MID1: variants seen among roughly 807,000 people sequenced by gnomAD.
MID1 encodes midline 1, also known as E3 ubiquitin-protein ligase Midline-1.
MID1 carries 7 observed loss-of-function variants against 40.4 expected under a neutral mutation model. The ratio of observed to expected loss-of-function variants is 0.17; its 90% CI spans 0.10 to 0.33. The LOEUF (loss-of-function observed/expected upper bound fraction) is 0.33. Ranked by LOEUF, MID1 falls within the 10% of genes least tolerant of loss-of-function variation. The pLI is 1.00. For missense variants in MID1, 367 were observed against 558.5 expected (o/e 0.66, Z 3.46); for synonymous variants, 229 against 221.2 (o/e 1.04, Z -0.31).
intron 1 of MID1, among the ~76,000 whole-genome samples, chrX:10,725,162 AC>A (rs1452754531): frequency 8.9e-6 from 1 of 112,061 alleles, no homozygotes; most frequent in African/African-American, 3.2e-5. Flanking sequence ...TCACTGTGAC[AC>A]TAAGAGTAGC....
chrX:10,817,528 C>CTTTCTTTCT (rs1257692877), intron 1 of MID1, among the ~76,000 whole-genome samples: 4 of 91,860 alleles, frequency 4.4e-5, no homozygotes, highest in Non-Finnish European at 8.8e-5. Flanking sequence ...TTCTTTCTTT[C>CTTTCTTTCT]TTTCTTTCTT....
chrX:10,504,168 T>C (rs1447305716), intron 3 of MID1, among the ~76,000 whole-genome samples: 1 of 111,745 alleles, frequency 8.9e-6, no homozygotes, highest in Non-Finnish European at 1.9e-5. Context: ...TTTTATTGCT[T>C]ACTAGTTGTA....
At chrX:10,812,630 A>T (rs1341257101) in intron 1 of MID1, among the ~76,000 whole-genome samples, 1 of 111,409 alleles carries the variant, frequency 9.0e-6, no homozygotes, top group Admixed American at 9.6e-5. Flanking sequence ...CTTCACCAGC[A>T]TGCGAGTCAT....
intron 1 of MID1, among the ~76,000 whole-genome samples, chrX:10,735,275 T>C (rs1188297098): frequency 9.0e-6 from 1 of 111,509 alleles, no homozygotes; most frequent in Non-Finnish European, 1.9e-5. Context: ...GCTAATTTTG[T>C]ATTTTTAGTA....
At chrX:10,811,097 A>G (rs1240673583) in intron 1 of MID1, among the ~76,000 whole-genome samples, 1 of 111,243 alleles carries the variant, frequency 9.0e-6, no homozygotes, top group Non-Finnish European at 1.9e-5. Context: ...GAGATTTCTG[A>G]GGTCACTTAT....
At chrX:10,771,396 C>A (rs1004573413) in intron 1 of MID1, among the ~76,000 whole-genome samples, 1 of 111,461 alleles carries the variant, frequency 9.0e-6, no homozygotes, top group Admixed American at 9.5e-5. Flanking sequence ...ATTTTTGCAT[C>A]CCCTCAAATT....
At chrX:10,473,731 T>C (rs891741799) in intron 6 of MID1, among the ~76,000 whole-genome samples, 20 of 112,519 alleles carry the variant, frequency 1.8e-4, no homozygotes, top group Non-Finnish European at 3.0e-4. Context: ...ACTGTGTACA[T>C]TGTGCTTTCC....
chrX:10,668,128 A>G (rs755562345), intron 1 of MID1, among the ~76,000 whole-genome samples: 30 of 111,885 alleles, frequency 2.7e-4, no homozygotes, highest in Non-Finnish European at 5.1e-4. Context: ...CTTTCCAAAA[A>G]GTAACATACA....
At chrX:10,635,143 A>G (rs1248402684) in intron 1 of MID1, among the ~76,000 whole-genome samples, 1 of 112,465 alleles carries the variant, frequency 8.9e-6, no homozygotes, top group Non-Finnish European at 1.9e-5. Context: ...GTTGAAAAGC[A>G]TAACCTGCCC....
chrX:10,712,230 C>T (rs1040170996), intron 1 of MID1, among the ~76,000 whole-genome samples: 1 of 110,928 alleles, frequency 9.0e-6, no homozygotes, highest in African/African-American at 3.3e-5. Flanking sequence ...TAAAATGATA[C>T]CTGGTCACAA....
chrX:10,677,523 T>C (rs970487959), intron 1 of MID1: 2 of 112,729 alleles, frequency 1.8e-5, no homozygotes, highest in African/African-American at 3.2e-5. Flanking sequence ...GACAAGCAGA[T>C]GGCAGTCTTC....
rs1489299753 is a variant in MID1, at chrX:10,449,687, G to A, written c.1685C>T (p.Ala562Val). 1 of 1,210,772 alleles carries A rather than the reference G, an allele frequency of 8.3e-7. No homozygotes were observed. The highest frequency in any genetic ancestry group is 3.0e-5 in the East Asian group (1 of 33,782). ...WYAIGLAYKS[A>V]PKHEWIGKNS... Reference sequence around the variant, plus strand: ...CTTCCCAATCCATTCATGCTTCGGGGCTGATTTGTAAGCAAGACCAATGGC... The same window carrying A: ...CTTCCCAATCCATTCATGCTTCGGGACTGATTTGTAAGCAAGACCAATGGC... Residue 562 changes from alanine to valine, a missense_variant, in exon 10 of 10, where the codon GCC (alanine) becomes GTC (valine). Transcript: ENST00000317552.
intron 3 of MID1, among the ~76,000 whole-genome samples, chrX:10,498,990 C>A (rs1931407080): frequency 8.9e-6 from 1 of 112,151 alleles, no homozygotes; most frequent in African/African-American, 3.2e-5. Context: ...GGTCACATAA[C>A]TGTGTTTAAT....
rs73479297 is a variant in MID1, at chrX:10,637,052, G to C, written c.-186-16633C>G. Among the ~76,000 whole-genome samples the C allele has an allele frequency of 3.4e-3, 359 of 106,490 alleles. 2 individuals carry two copies. Among genetic ancestry groups the C allele is most frequent in the African/African-American group, 0.011 (333 of 29,100 alleles). The allele number at this position is 106,490 out of a possible 115,157, so 92.5% of individuals were successfully genotyped here. A position where few individuals can be genotyped will look rare whatever the true frequency, so the allele number is the denominator to read the frequency against. On this transcript the variant is annotated intron_variant, in intron 1 of 10. Coordinates refer to the MID1 transcript ENST00000380785. ...TGTTCCCCATTGAACCATCTCATCT[G>C]GGAAGTTTCCAAGGGGCCCTTTTCA...
chrX:10,737,684 G>A (rs2043496378), intron 1 of MID1, among the ~76,000 whole-genome samples: 1 of 108,326 alleles, frequency 9.2e-6, no homozygotes. Context: ...AGAGAAGAAG[G>A]GGGATAGAGT....
chrX:10,613,557 T>C (rs1346335714), intron 1 of MID1, among the ~76,000 whole-genome samples: 1 of 106,823 alleles, frequency 9.4e-6, no homozygotes, highest in African/African-American at 3.4e-5. Context: ...CAGCAGATTC[T>C]ATCTTGGCGA....
chrX:10,674,399 C>A (rs2043007950), intron 1 of MID1, among the ~76,000 whole-genome samples: 1 of 112,479 alleles, frequency 8.9e-6, no homozygotes, highest in Admixed American at 9.4e-5. Context: ...TCCCTTCTAG[C>A]CTTGGTCGCC....
chrX:10,775,114 G>C (rs2043793810), intron 1 of MID1, among the ~76,000 whole-genome samples: 1 of 96,929 alleles, frequency 1.0e-5, no homozygotes, highest in Admixed American at 1.2e-4. Flanking sequence ...AGGGAGGAGG[G>C]ATAAAGGAGG....
chrX:10,713,642 G>A (rs1295500630), intron 1 of MID1, among the ~76,000 whole-genome samples: 1 of 112,515 alleles, frequency 8.9e-6, no homozygotes, highest in Non-Finnish European at 1.9e-5. Context: ...ATTTTTAAAG[G>A]AAGTTCTAGG....
Sources: allele counts gnomAD v4.1 joint callset (sites outside exome capture counted in the v4.1 genomes callset), GRCh38; gene constraint gnomAD v4.1.1; transcripts MANE v1.5; gene names NCBI Gene and HGNC (gene_info 2026-07-23, HGNC 2026-07-21).